The following DSCAM variants were observed in gnomAD, a reference collection of about 807,000 sequenced individuals.
DSCAM encodes the protein DS cell adhesion molecule, also known as cell adhesion molecule DSCAM.
DSCAM carries 47 observed loss-of-function variants against 217.7 expected under a neutral mutation model. That is an observed-to-expected ratio of 0.22 (90% CI 0.17 to 0.28). The LOEUF (loss-of-function observed/expected upper bound fraction) is 0.28, where lower values mean the gene tolerates loss of function less well. DSCAM is among the 10% of genes least tolerant of loss of function. The pLI is 1.00. For synonymous variants in DSCAM, 1,056 were observed against 1,015.3 expected (o/e 1.04, Z -0.76); for missense variants, 2,080 against 2,618.3 (o/e 0.79, Z 4.49).
In DSCAM at chr21:40,498,676, TATATATATATATATATATATAG is replaced by T. The variant is rs1412159250; in HGVS notation, c.509-129453_509-129432del. 7.7e-3 allele frequency among the ~76,000 whole-genome samples: 50 copies of T among 6,468 alleles called. 3 individuals carry two copies. Among genetic ancestry groups the T allele is most frequent in the African/African-American group, 0.06 (35 of 588 alleles). The allele number at this position is 6,468 out of a possible 152,430, so 4.2% of individuals were successfully genotyped here. A position where few individuals can be genotyped will look rare whatever the true frequency, so the allele number is the denominator to read the frequency against. On this transcript the variant is annotated intron_variant, in intron 3 of 32. Transcript: ENST00000400454. ...GTGTGTATATATATACCCATATATA[TATATATATATATATATATATAG>T]ATATATATATATGGGTGTATATATA...
At chr21:40,248,053 T>C (rs1445487999) in intron 11 of DSCAM, among the ~76,000 whole-genome samples, 2 of 152,166 alleles carry the variant, frequency 1.3e-5, no homozygotes, top group South Asian at 4.1e-4. Flanking sequence ...TCGCCCCTTT[T>C]AGTCATGGCT....
intron 11 of DSCAM, among the ~76,000 whole-genome samples, chr21:40,200,815 A>G (rs1238503961): frequency 6.6e-6 from 1 of 152,202 alleles, no homozygotes; most frequent in Non-Finnish European, 1.5e-5. Flanking sequence ...AGATTATGTT[A>G]GAGGAACCCT....
At chr21:40,462,541 C>T (rs1179085584) in intron 3 of DSCAM, among the ~76,000 whole-genome samples, 6 of 152,094 alleles carry the variant, frequency 3.9e-5, no homozygotes, top group Non-Finnish European at 4.4e-5. Context: ...TTTGTTGCAC[C>T]CAAGACCCAT....
chr21:40,605,072 G>A (rs1157548911), intron 3 of DSCAM, among the ~76,000 whole-genome samples: 1 of 152,194 alleles, frequency 6.6e-6, no homozygotes, highest in Non-Finnish European at 1.5e-5. Context: ...AACTGGAGGG[G>A]ATTTTTCTCT....
At chr21:40,079,455 T>G (rs1364911911) in intron 25 of DSCAM, among the ~76,000 whole-genome samples, 1 of 152,182 alleles carries the variant, frequency 6.6e-6, no homozygotes, top group Non-Finnish European at 1.5e-5. Context: ...TCATTTGACC[T>G]CTTACCACTT....
In DSCAM at chr21:40,846,546, T is replaced by A. The variant is rs368125193; in HGVS notation, c.43+73A>T. On this transcript the variant is annotated intron_variant, in intron 1 of 32. Transcript: ENST00000400454. Reference sequence around the variant, plus strand: ...AAGAAGACTTTACCCATGCATCCAATGCCACCCCCCACCCCCCCGCCCCCC... The same window carrying A: ...AAGAAGACTTTACCCATGCATCCAAAGCCACCCCCCACCCCCCCGCCCCCC... 1.1e-3 allele frequency: 329 copies of A among 296,868 alleles called. 2 individuals carry two copies. The highest frequency in any genetic ancestry group is 7.8e-3 in the African/African-American group (319 of 40,766). 18.4% of individuals were successfully genotyped at this position (296,868 alleles called of 1,614,324 possible).
chr21:40,441,841 T>G (rs535713039), intron 3 of DSCAM, among the ~76,000 whole-genome samples: 1 of 152,316 alleles, frequency 6.6e-6, no homozygotes, highest in Admixed American at 6.5e-5. Flanking sequence ...TGGGACCCCA[T>G]GATGGAATCA....
intron 1 of DSCAM, among the ~76,000 whole-genome samples, chr21:40,739,850 C>T (rs1411338096): frequency 6.7e-6 from 1 of 150,004 alleles, no homozygotes; most frequent in Non-Finnish European, 1.5e-5. Flanking sequence ...GTGTCAGTGG[C>T]TTCTTTCACT....
In DSCAM at chr21:40,251,477, C is replaced by T. The variant is rs146126414; in HGVS notation, c.2356+24620G>A. Among the ~76,000 whole-genome samples, 153 of 152,286 alleles carry T rather than the reference C, an allele frequency of 1.0e-3. 4 individuals are homozygous for T. The East Asian group carries it at 0.024, about 24-fold the overall frequency. Reference sequence around the variant, plus strand: ...TCAGACCTGTTGAGGTAACACTTCTCCTATTTCCTAGTCTTCCCTTGTTTT... The same window carrying T: ...TCAGACCTGTTGAGGTAACACTTCTTCTATTTCCTAGTCTTCCCTTGTTTT... On this transcript the variant is annotated intron_variant, in intron 11 of 32. Coordinates refer to ENST00000400454, the MANE Select transcript of DSCAM (RefSeq NM_001389.5).
At chr21:40,124,960 T>C (rs1568953496) in intron 19 of DSCAM, among the ~76,000 whole-genome samples, 1 of 152,200 alleles carries the variant, frequency 6.6e-6, no homozygotes, top group Non-Finnish European at 1.5e-5. Context: ...GTCTCATTTC[T>C]GCTGCAGTTT....
chr21:40,570,245 G>A (rs902037816), intron 3 of DSCAM, among the ~76,000 whole-genome samples: 1 of 152,224 alleles, frequency 6.6e-6, no homozygotes, highest in African/African-American at 2.4e-5. Context: ...TCTGGCTGGT[G>A]CTCAGATCCC....
chr21:40,093,874 C>A lies in DSCAM; in HGVS notation c.3697G>T (p.Val1233Leu). 3 of 1,612,830 alleles carry A rather than the reference C, an allele frequency of 1.9e-6. No homozygotes were observed. The highest frequency in any genetic ancestry group is 1.7e-5 in the Admixed American group (1 of 59,706). Residue 1233 changes from valine to leucine, a missense_variant and splice_region_variant, in exon 21 of 33, where the codon GTG (valine) becomes TTG (leucine). Val to Leu is a conservative substitution (Grantham distance 32). Coordinates refer to ENST00000400454, the MANE Select transcript of DSCAM (RefSeq NM_001389.5). ...TVFCSHPYPT[V>L]ISEFEASPDS... is the part of the protein sequence containing the mutation. Reference sequence around the variant, plus strand: ...GGAGAGGCCTCAAACTCGCTGATCACCTGTAAAAAGAGACATAAGTGTTCC... The same window carrying A: ...GGAGAGGCCTCAAACTCGCTGATCAACTGTAAAAAGAGACATAAGTGTTCC...
At chr21:40,543,289 C>A (rs774150520) in intron 3 of DSCAM, among the ~76,000 whole-genome samples, 12 of 152,156 alleles carry the variant, frequency 7.9e-5, no homozygotes, top group Non-Finnish European at 1.6e-4. Context: ...CCTGCCATTT[C>A]CCTGATTCCA....
intron 11 of DSCAM, among the ~76,000 whole-genome samples, chr21:40,234,130 C>T (rs571395030): frequency 6.6e-6 from 1 of 152,270 alleles, no homozygotes; most frequent in South Asian, 2.1e-4. Context: ...AATATTATAT[C>T]GGTCTTAAAA....
chr21:40,067,086 A>G (rs1721725700), intron 27 of DSCAM, among the ~76,000 whole-genome samples: 1 of 152,210 alleles, frequency 6.6e-6, no homozygotes, highest in South Asian at 2.1e-4. Context: ...CCTATCTTCA[A>G]CGTGCTCAGA....
intron 11 of DSCAM, among the ~76,000 whole-genome samples, chr21:40,275,792 C>G (rs1293834396): frequency 6.6e-6 from 1 of 152,118 alleles, no homozygotes; most frequent in African/African-American, 2.4e-5. Context: ...AAGGCAGAGA[C>G]CTACTCATCT....
chr21:40,106,893 C>CT (rs1047260153), intron 20 of DSCAM, among the ~76,000 whole-genome samples: 1 of 128,710 alleles, frequency 7.8e-6, no homozygotes, highest in African/African-American at 2.6e-5. Flanking sequence ...AGTGGTCTAT[C>CT]TATTTTATTT....
chr21:40,020,534 A>T lies in DSCAM; in HGVS notation c.5687-7148T>A, dbSNP rs79508613. 7.0e-5 allele frequency among the ~76,000 whole-genome samples: 10 copies of T among 143,382 alleles called. No individual in the cohort carries two copies. In the Admixed American group the frequency reaches 8.8e-4, roughly 13 times the overall value. The allele number at this position is 143,382 out of a possible 152,430, so 94.1% of individuals were successfully genotyped here. A position where few individuals can be genotyped will look rare whatever the true frequency, so the allele number is the denominator to read the frequency against. On this transcript the variant is annotated intron_variant, in intron 32 of 32. Transcript: ENST00000400454. Reference sequence around the variant, plus strand: ...AGTGTGGTGTGTGTGTGTGTGTGAGAGAGAGAGAGAGAGGAGAGAGATATG... The same window carrying T: ...AGTGTGGTGTGTGTGTGTGTGTGAGTGAGAGAGAGAGAGGAGAGAGATATG...
chr21:40,266,156 A>T (rs2073523800), intron 11 of DSCAM, among the ~76,000 whole-genome samples: 1 of 152,214 alleles, frequency 6.6e-6, no homozygotes, highest in Non-Finnish European at 1.5e-5. Context: ...ATCAGCAAGA[A>T]AAAACAGATA....
Sources: allele counts gnomAD v4.1 joint callset (sites outside exome capture counted in the v4.1 genomes callset), GRCh38; gene constraint gnomAD v4.1.1; transcripts MANE v1.5; gene names NCBI Gene and HGNC (gene_info 2026-07-23, HGNC 2026-07-21).